The following SHC2 variants were observed in gnomAD, a reference collection of about 807,000 sequenced individuals.
SHC2 encodes SHC-transforming protein 2.
SHC2 carries 62 observed loss-of-function variants against 60.6 expected under a neutral mutation model. The observed-to-expected ratio is 1.02, with a 90% confidence interval of 0.83 to 1.26. The LOEUF (loss-of-function observed/expected upper bound fraction) is 1.26, where lower values mean the gene tolerates loss of function less well. Among genes scored for constraint, SHC2 ranks in the 50% most tolerant of loss-of-function variants. The pLI, the probability that SHC2 is intolerant of heterozygous loss-of-function variation, is 0.00. For synonymous variants in SHC2, 375 were observed against 372.4 expected, an observed-to-expected ratio of 1.01 and a Z score of -0.08; for missense variants, 873 against 822.2, an observed-to-expected ratio of 1.06 and a Z score of -0.76.
At chr19:436,949 G>A (rs1711643406) in intron 4 of SHC2, among the ~76,000 whole-genome samples, 1 of 152,166 alleles carries the variant, frequency 6.6e-6, no homozygotes, top group South Asian at 2.1e-4. Context: ...GTGTGTGAGA[G>A]GACAAACCTC....
intron 4 of SHC2, among the ~76,000 whole-genome samples, chr19:437,674 C>A (rs954872818): frequency 6.6e-6 from 1 of 152,144 alleles, no homozygotes; most frequent in Admixed American, 6.5e-5. Context: ...GTCACCCCCC[C>A]GCCAGCTCCA....
Position 436,206 on chromosome 19 carries a change from C to T in SHC2, c.912G>A (p.Gln304=). Residue 304 remains glutamine, a synonymous_variant, in exon 7 of 13, where the codon CAG becomes CAA. Transcript: ENST00000264554. ...VGQAFELRFK[Q]YLHSPPKVAL... is the part of the protein sequence containing the mutation. ...CCACCTTGGGCGGGCTGTGCAGGTA[C>T]TGCTTGAAGCGCAGCTCGAAAGCTT... is the stretch of plus-strand genomic sequence containing the variant. 1.2e-6 allele frequency: 2 copies of T among 1,608,314 alleles called. No homozygotes were observed. The highest frequency in any genetic ancestry group is 1.7e-6 in the Non-Finnish European group (2 of 1,177,990).
Position 439,048 on chromosome 19 carries a change from G to A in SHC2, c.540-18C>T, listed in dbSNP as rs777068570. 8.9e-6 allele frequency: 14 copies of A among 1,571,934 alleles called. No homozygotes were observed. Among genetic ancestry groups the A allele is most frequent in the African/African-American group, 2.7e-5 (2 of 73,482 alleles). On this transcript the variant is annotated intron_variant, in intron 2 of 12. Coordinates refer to ENST00000264554, the MANE Select transcript of SHC2 (RefSeq NM_012435.3). ...TGGCTTCCCTGGGGTTGGGAGGAGG[G>A]GGCTTAGAGAGTGTGGTGGGGGTGG...
intron 1 of SHC2, among the ~76,000 whole-genome samples, chr19:451,205 G>A (rs748448860): frequency 2.0e-5 from 3 of 150,700 alleles, no homozygotes; most frequent in Non-Finnish European, 4.4e-5. Context: ...TCATATTTCA[G>A]CGTGTGGATG....
Position 422,504 on chromosome 19 carries a change from ACTC to A in SHC2, c.1310-51_1310-49del, listed in dbSNP as rs753565209. 4.2e-6 allele frequency: 6 copies of A among 1,423,546 alleles called. No individual in the cohort carries two copies. The highest frequency in any genetic ancestry group is 5.6e-6 in the Non-Finnish European group (6 of 1,069,470). 88.2% of individuals were successfully genotyped at this position (1,423,546 alleles called of 1,614,324 possible). A position where few individuals can be genotyped will look rare whatever the true frequency, so the allele number is the denominator to read the frequency against. ...CTGGGCAGGCAGGGGGCAAGCAGCT[ACTC>A]CTGCCGGGACCAGAGCTGGGAGAAA... On this transcript the variant is annotated intron_variant, in intron 10 of 12. Transcript: ENST00000264554. This position sits in a 1 kb window ranked among gnomAD's most constrained non-coding sequence, Gnocchi z 5.0.
At position 435,300 on chromosome 19, in the gene SHC2, C is replaced by T. The variant is rs527822759; in HGVS notation, c.954-435G>A. The stretch of plus-strand genomic sequence containing the variant: ...AGGTGCTCCTCAGCAAGCACGGCCC[C>T]GAGAGCCAGAGGGGTGCACCCCACC... On this transcript the variant is annotated intron_variant, in intron 7 of 12. Transcript: ENST00000264554. Among the ~76,000 whole-genome samples, 182 of 152,362 alleles carry T rather than the reference C, an allele frequency of 1.2e-3. 1 individual carries two copies. Among genetic ancestry groups the T allele is most frequent in the South Asian group, 9.1e-3 (44 of 4,830 alleles).
In SHC2 at chr19:440,043, A is replaced by AAAT; in HGVS notation, c.539+818_539+819insATT. 6.7e-6 allele frequency among the ~76,000 whole-genome samples: 1 copy of AAAT among 149,772 alleles called. No individual in the cohort carries two copies. Among genetic ancestry groups the AAAT allele is most frequent in the African/African-American group, 2.5e-5 (1 of 40,678 alleles). ...TCCATCTCAAAAAAAAAAAAAAAAA[A>AAAT]GGAGCAAGGCTCTGACCCAGGCCAC... On this transcript the variant is annotated intron_variant, in intron 2 of 12. Coordinates refer to ENST00000264554, the MANE Select transcript of SHC2 (RefSeq NM_012435.3). This position sits in a 1 kb window ranked among gnomAD's most constrained non-coding sequence, Gnocchi z 7.0.
chr19:456,918 TG>T (rs1457323661), intron 1 of SHC2, among the ~76,000 whole-genome samples: 28 of 146,518 alleles, frequency 1.9e-4, no homozygotes, highest in African/African-American at 6.6e-4. Flanking sequence ...ACCCACTGCG[TG>T]GGGCCTTTGC....
chr19:436,677 C>A lies in SHC2; in HGVS notation c.727G>T (p.Ala243Ser), dbSNP rs370125945. 3.1e-6 allele frequency: 5 copies of A among 1,605,496 alleles called. No individual in the cohort carries two copies. Among genetic ancestry groups the A allele is most frequent in the Non-Finnish European group, 4.2e-6 (5 of 1,179,184 alleles). Reference protein sequence around the residue: ...LSVPATRQVIANHHMPSISFA... With the variant: ...LSVPATRQVISNHHMPSISFA... Reference sequence around the variant, plus strand: ...GAGATGGACGGCATGTGGTGGTTGGCGATGACCTGTGGCGGCAGGAGGCAC... The same window carrying A: ...GAGATGGACGGCATGTGGTGGTTGGAGATGACCTGTGGCGGCAGGAGGCAC... Residue 243 changes from alanine to serine, a missense_variant, in exon 5 of 13, where the codon GCC becomes TCC. Ala to Ser is a moderately conservative substitution (Grantham distance 99). Transcript: ENST00000264554.
intron 9 of SHC2, among the ~76,000 whole-genome samples, chr19:429,141 C>T (rs1974498123): frequency 6.7e-6 from 1 of 148,952 alleles, no homozygotes; most frequent in Admixed American, 6.9e-5. Context: ...GTGGATGATG[C>T]AGTACCTATA....
intron 7 of SHC2, 136 bp downstream of exon 7, chr19:436,029 G>A: frequency 3.2e-6 from 3 of 931,008 alleles, no homozygotes; most frequent in Non-Finnish European, 3.2e-6. Flanking sequence ...CTCTGGCTGA[G>A]CCATATTCTC....
intron 1 of SHC2, among the ~76,000 whole-genome samples, chr19:458,115 CGGGTCTTGGGGAGGCGGAAGT>C (rs1568300444): frequency 3.7e-5 from 4 of 106,976 alleles, no homozygotes; most frequent in Admixed American, 9.5e-5. Context: ...GAGGCAGAAG[CGGGTCTTGGGGAGGCGGAAGT>C]GGGTTCCGGG....
At chr19:455,013 A>G (rs1441895810) in intron 1 of SHC2, among the ~76,000 whole-genome samples, 2 of 152,116 alleles carry the variant, frequency 1.3e-5, no homozygotes, top group Non-Finnish European at 2.9e-5. Context: ...TCTCATAAAG[A>G]CGGCAGTCAC....
At chr19:419,256 C>T (rs1974218463) in intron 11 of SHC2, 200 bp from the exon 12 acceptor site, 1 of 593,130 alleles carries the variant, frequency 1.7e-6, no homozygotes, top group Non-Finnish European at 2.8e-6. Context: ...CTCTGAAACC[C>T]CCAGGGTTCT....
intron 1 of SHC2, among the ~76,000 whole-genome samples, chr19:458,144 G>C (rs900628483): frequency 4.4e-5 from 6 of 137,314 alleles, no homozygotes; most frequent in Non-Finnish European, 6.6e-5. Flanking sequence ...AGTGGGTTCC[G>C]GGGAGACGGA....
chr19:431,915 C>T (rs71335244), intron 8 of SHC2, among the ~76,000 whole-genome samples: 1 of 26,498 alleles, frequency 3.8e-5, no homozygotes, highest in East Asian at 2.3e-3. Flanking sequence ...TGAGTGAGAT[C>T]GTGAGTGAGA....
In SHC2 at chr19:425,322, G is replaced by T. The variant is rs538205375; in HGVS notation, c.1175-91C>A. ...GCGGGGTCCCACGAGGAGCTCCCCC[G>T]GCCACCACCTGTGCTGCTGGCTGCA... On this transcript the variant is annotated intron_variant, in intron 9 of 12. Transcript: ENST00000264554. This position sits in a 1 kb window ranked among gnomAD's most constrained non-coding sequence, Gnocchi z 4.1. 4 of 1,083,594 alleles carry T rather than the reference G, an allele frequency of 3.7e-6. No individual in the cohort carries two copies. Among genetic ancestry groups the T allele is most frequent in the African/African-American group, 1.6e-5 (1 of 61,946 alleles). The allele number at this position is 1,083,594 out of a possible 1,614,324, so 67.1% of individuals were successfully genotyped here.
chr19:440,287 G>C lies in SHC2; in HGVS notation c.539+575C>G, dbSNP rs1023619663. On this transcript the variant is annotated intron_variant, in intron 2 of 12. Coordinates refer to ENST00000264554, the MANE Select transcript of SHC2 (RefSeq NM_012435.3). This position sits in a 1 kb window ranked among gnomAD's most constrained non-coding sequence, Gnocchi z 7.0. ...TAATGAGAATGTTCGGAACTAGACA[G>C]TGGTGATCGTGTGACTCTGTGAAGA... is the stretch of plus-strand genomic sequence containing the variant. Among the ~76,000 whole-genome samples the C allele has an allele frequency of 5.9e-5, 9 of 152,130 alleles. No homozygotes were observed. Among genetic ancestry groups the C allele is most frequent in the African/African-American group, 2.2e-4 (9 of 41,412 alleles).
At chr19:427,455 G>C (rs934056055) in intron 9 of SHC2, among the ~76,000 whole-genome samples, 2 of 149,084 alleles carry the variant, frequency 1.3e-5, no homozygotes, top group African/African-American at 5.0e-5. Flanking sequence ...GCTTGGGTAA[G>C]GGGGAATTGC....
Sources: allele counts gnomAD v4.1 joint callset (sites outside exome capture counted in the v4.1 genomes callset), GRCh38; gene constraint gnomAD v4.1.1; non-coding constraint Gnocchi (gnomAD v3.1); transcripts MANE v1.5; gene names NCBI Gene and HGNC (gene_info 2026-07-23, HGNC 2026-07-21).